Variants in KDM4B observed in about 807,000 individuals in gnomAD.
KDM4B encodes the protein lysine demethylase 4B.
In KDM4B, 32 loss-of-function variants were observed where a neutral mutation model predicts 125.2. That is an observed-to-expected ratio of 0.26 (90% confidence interval 0.19 to 0.34). KDM4B has a LOEUF of 0.34. Ranked by LOEUF, KDM4B falls within the 10% of genes least tolerant of loss-of-function variation. The pLI is 1.00. For synonymous variants in KDM4B, 721 were observed against 677.9 expected, an observed-to-expected ratio of 1.06 and a Z score of -0.99; for missense variants, 1,190 against 1,577.7, an observed-to-expected ratio of 0.75 and a Z score of 4.16.
intron 1 of KDM4B, among the ~76,000 whole-genome samples, chr19:4,977,629 C>T (rs544670460): frequency 7.7e-4 from 118 of 152,320 alleles, no homozygotes; most frequent in African/African-American, 2.7e-3. Context: ...ATTAGCCGGC[C>T]GTGGATTCAG....
At chr19:5,132,645 G>C (rs1408019496) in intron 13 of KDM4B, among the ~76,000 whole-genome samples, 2 of 152,140 alleles carry the variant, frequency 1.3e-5, no homozygotes, top group African/African-American at 4.8e-5. Flanking sequence ...GCCCCCGCGG[G>C]CTGGCTTGGG....
Position 5,141,895 on chromosome 19 carries a change from G to A in KDM4B, c.2551-2072G>A, listed in dbSNP as rs772410926. Among the ~76,000 whole-genome samples, 1 of 152,140 alleles carries A rather than the reference G, an allele frequency of 6.6e-6. No homozygotes were observed. The highest frequency in any genetic ancestry group is 1.5e-5 in the Non-Finnish European group (1 of 68,004). ...GCGCCTCCAGGGCAGCAGGAGGGGT[G>A]GGCAGTTGCACCAGCTCTCTCCACT... On this transcript the variant is annotated intron_variant, in intron 18 of 22. Transcript: ENST00000159111. The surrounding 1 kb of genome is among the most constrained non-coding windows in gnomAD (Gnocchi z 6.4).
intron 6 of KDM4B, among the ~76,000 whole-genome samples, chr19:5,059,709 G>C (rs1416979852): frequency 6.6e-6 from 1 of 152,244 alleles, no homozygotes; most frequent in Admixed American, 6.5e-5. Flanking sequence ...CCAGGGGCCT[G>C]GCGGTCACCG....
At chr19:5,058,824 G>A (rs1341019993) in intron 6 of KDM4B, among the ~76,000 whole-genome samples, 3 of 152,238 alleles carry the variant, frequency 2.0e-5, no homozygotes, top group Non-Finnish European at 2.9e-5. Flanking sequence ...TTGTTTTAGG[G>A]AGGTAGGAGC....
At chr19:5,121,042 T>G (rs1184646972) in intron 11 of KDM4B, among the ~76,000 whole-genome samples, 1 of 152,214 alleles carries the variant, frequency 6.6e-6, no homozygotes, top group African/African-American at 2.4e-5. Flanking sequence ...GTGGTGCCAT[T>G]CAGCAGATGT....
intron 11 of KDM4B, among the ~76,000 whole-genome samples, chr19:5,123,145 C>T (rs895881380): frequency 2.0e-5 from 3 of 152,244 alleles, no homozygotes; most frequent in Admixed American, 2.0e-4. Context: ...GAGGCATGAG[C>T]GCTGGAGGCC....
rs1182792997 is a variant in KDM4B at position 5,035,321 on chromosome 19, G to A, written c.141+2290G>A. ...GGATGCAGCAGCCCTTTCTGGCTTG[G>A]GATCCAAGGCGTCCTGATGTCAGGA... On this transcript the variant is annotated intron_variant, in intron 3 of 22. Transcript: ENST00000159111. The surrounding 1 kb of genome is among the most constrained non-coding windows in gnomAD (Gnocchi z 5.3). 6.6e-6 allele frequency among the ~76,000 whole-genome samples: 1 copy of A among 151,830 alleles called. No homozygotes were observed. Among genetic ancestry groups the A allele is most frequent in the African/African-American group, 2.4e-5 (1 of 41,354 alleles).
chr19:5,010,542 T>C (rs1014584520), intron 1 of KDM4B, among the ~76,000 whole-genome samples: 3 of 152,240 alleles, frequency 2.0e-5, no homozygotes, highest in African/African-American at 7.2e-5. Context: ...ATTCCCGTGG[T>C]GTTGGACTGG....
intron 5 of KDM4B, among the ~76,000 whole-genome samples, chr19:5,043,188 TG>T: frequency 7.2e-6 from 1 of 139,188 alleles, no homozygotes; most frequent in Non-Finnish European, 1.6e-5. Flanking sequence ...TTATCCCGCG[TG>T]GTGTTTATTG....
Position 5,071,072 on chromosome 19 carries a change from C to T in KDM4B, c.676+13C>T, listed in dbSNP as rs775225985. ...CGGCTGGCCATCGGTAGGTGCCTGC[C>T]CTGAGGGCCCCAGGGACCTGGGACC... is the stretch of plus-strand genomic sequence containing the variant. On this transcript the variant is annotated intron_variant, in intron 7 of 22. Transcript: ENST00000159111. The T allele has an allele frequency of 1.3e-5, 21 of 1,612,074 alleles. No homozygotes were observed. Among genetic ancestry groups the T allele is most frequent in the Non-Finnish European group, 1.7e-5 (20 of 1,179,330 alleles).
At chr19:5,023,758 A>ATT (rs148293792) in intron 2 of KDM4B, among the ~76,000 whole-genome samples, 6,915 of 88,990 alleles carry the variant, frequency 0.078, 501 homozygotes, top group African/African-American at 0.15. Flanking sequence ...GTCTTTTTGA[A>ATT]TTTTTTTTTT....
Position 5,077,425 on chromosome 19 carries a change from C to A in KDM4B, c.735C>A (p.Leu245=). Residue 245 remains leucine, a synonymous_variant, in exon 8 of 23, where the codon CTC becomes CTA. Coordinates refer to ENST00000159111, the MANE Select transcript of KDM4B (RefSeq NM_015015.3). Reference sequence around the variant, plus strand: ...CCTTCCTGCGGCATAAGATGACCCTCATCTCGCCCATCATCCTGAAGAAGT... The same window carrying A: ...CCTTCCTGCGGCATAAGATGACCCTAATCTCGCCCATCATCCTGAAGAAGT... ...CDAFLRHKMT[L]ISPIILKKYG... 11 of 1,613,442 alleles carry A rather than the reference C, an allele frequency of 6.8e-6. No homozygotes were observed. Among genetic ancestry groups the A allele is most frequent in the Non-Finnish European group, 9.3e-6 (11 of 1,180,006 alleles).
intron 21 of KDM4B, among the ~76,000 whole-genome samples, chr19:5,148,595 G>A (rs974985741): frequency 6.6e-6 from 1 of 152,238 alleles, no homozygotes; most frequent in African/African-American, 2.4e-5. Context: ...GGGAAAGGCA[G>A]CAGGTGGGCC....
chr19:5,106,273 C>T (rs553682045), intron 9 of KDM4B, among the ~76,000 whole-genome samples: 20 of 152,252 alleles, frequency 1.3e-4, no homozygotes, highest in South Asian at 1.0e-3. Context: ...TGTGCGCGCG[C>T]GTGCAAGCGT....
At chr19:5,038,970 A>G (rs747484384) in intron 3 of KDM4B, among the ~76,000 whole-genome samples, 2 of 152,244 alleles carry the variant, frequency 1.3e-5, no homozygotes, top group Non-Finnish European at 2.9e-5. Context: ...GGGTTGCCCC[A>G]TAGTGGGTCT....
At chr19:5,001,207 A>G (rs1013484393) in intron 1 of KDM4B, among the ~76,000 whole-genome samples, 1 of 151,592 alleles carries the variant, frequency 6.6e-6, no homozygotes, top group Non-Finnish European at 1.5e-5. Flanking sequence ...TAATTTTTTT[A>G]TGTTTTTATA....
rs182998790 is a variant in KDM4B, at chr19:5,007,032, G to A, written c.-108-9225G>A. Among the ~76,000 whole-genome samples, 690 of 152,246 alleles carry A rather than the reference G, an allele frequency of 4.5e-3. 2 individuals are homozygous for A. The highest frequency in any genetic ancestry group is 7.7e-3 in the Non-Finnish European group (527 of 68,018). ...GGGGCGGGGGTGGTGAGGACCAGGC[G>A]CAGACCTGGGCAGGGACCTGGGCGG... On this transcript the variant is annotated intron_variant, in intron 1 of 22. Coordinates refer to ENST00000159111, the MANE Select transcript of KDM4B (RefSeq NM_015015.3).
At chr19:5,108,090 G>T (rs2039069957) in intron 9 of KDM4B, among the ~76,000 whole-genome samples, 2 of 152,374 alleles carry the variant, frequency 1.3e-5, no homozygotes, top group South Asian at 4.1e-4. Flanking sequence ...GGGGGCTCAG[G>T]CCGTGCTCCA....
intron 11 of KDM4B, among the ~76,000 whole-genome samples, chr19:5,123,429 TC>T (rs1437243389): frequency 6.6e-6 from 1 of 151,968 alleles, no homozygotes; most frequent in African/African-American, 2.4e-5. Context: ...CTGTCCAGAT[TC>T]CCCCCTTCCT....
Sources: gnomAD v4.1 joint callset for allele counts (sites outside exome capture counted in the v4.1 genomes callset) on GRCh38, gnomAD v4.1.1 for gene constraint, Gnocchi (gnomAD v3.1) non-coding constraint, MANE v1.5 for transcripts, NCBI Gene and HGNC (gene_info 2026-07-23, HGNC 2026-07-21) for gene names.